The following COL4A6 variants were observed in gnomAD, a reference collection of about 807,000 sequenced individuals.
The protein encoded by COL4A6 is collagen type IV alpha 6 chain.
A neutral mutation model predicts 126.7 loss-of-function variants in COL4A6; 59 were observed. That is an observed-to-expected ratio of 0.47 (90% CI 0.38 to 0.58). The LOEUF (loss-of-function observed/expected upper bound fraction) is 0.58, where lower values mean the gene tolerates loss of function less well. Ranked by LOEUF, COL4A6 falls within the 20% of genes least tolerant of loss-of-function variation. COL4A6 has a pLI of 0.00. For missense variants in COL4A6, 1,285 were observed against 1,337.3 expected, an observed-to-expected ratio of 0.96 and a Z score of 0.61; for synonymous variants, 547 against 496.6, an observed-to-expected ratio of 1.10 and a Z score of -1.35.
In COL4A6 at chrX:108,174,627, A is replaced by C; in HGVS notation, c.2957-6T>G. 8.8e-7 allele frequency: 1 copy of C among 1,139,976 alleles called. No homozygotes were observed. The highest frequency in any genetic ancestry group is 1.2e-6 in the Non-Finnish European group (1 of 863,002). The allele number at this position is 1,139,976 out of a possible 1,213,427, so 93.9% of individuals were successfully genotyped here. A position where few individuals can be genotyped will look rare whatever the true frequency, so the allele number is the denominator to read the frequency against. On this transcript the variant is annotated splice_region_variant and splice_polypyrimidine_tract_variant and intron_variant, in intron 30 of 44. Transcript: ENST00000334504. The stretch of plus-strand genomic sequence containing the variant: ...ACCAGCCTCTCCTTTGTCACCTGTA[A>C]AAGAAATAAAAAGACTTGGAAAAAG...
At position 108,385,442 on chromosome X, in the gene COL4A6, T is replaced by C. The variant is rs2040664846; in HGVS notation, c.63+52500A>G. On this transcript the variant is annotated intron_variant, in intron 2 of 44. Coordinates refer to ENST00000334504, the MANE Select transcript of COL4A6 (RefSeq NM_033641.4). ...CCCTCAAACTGATTTATAGATTCAATAAAATCCCTATTAGAATCCCAGATG... is the reference window on the plus strand; with the variant it reads ...CCCTCAAACTGATTTATAGATTCAACAAAATCCCTATTAGAATCCCAGATG... Among the ~76,000 whole-genome samples the C allele has an allele frequency of 2.7e-5, 3 of 111,727 alleles. No homozygotes were observed. In the South Asian group the frequency reaches 1.1e-3, roughly 42 times the overall value.
At position 108,164,637 on chromosome X, in the gene COL4A6, T is replaced by C. The variant is rs1370737643; in HGVS notation, c.4032A>G (p.Pro1344=). ...CCTTCCCCTTCATTCCGGGAAATCC[T>C]GGGTCTCCAGGTGGCCCAACCTTGC... ...TPGKVGPPGD[P]GFPGMKGKAG... The change falls in exon 40 of 45, where the codon CCA becomes CCG. Residue 1344 remains proline (P), a synonymous_variant. Transcript: ENST00000334504. 1 of 1,211,872 alleles carries C rather than the reference T, an allele frequency of 8.3e-7. No individual in the cohort carries two copies. Among genetic ancestry groups the C allele is most frequent in the Admixed American group, 2.2e-5 (1 of 46,090 alleles).
chrX:108,260,687 A>C (rs780429638), intron 3 of COL4A6, among the ~76,000 whole-genome samples: 1 of 110,824 alleles, frequency 9.0e-6, no homozygotes, highest in Non-Finnish European at 1.9e-5. Context: ...TATCAGCAGC[A>C]TGAAAATGGA....
chrX:108,218,471 C>T (rs907278666), intron 5 of COL4A6, among the ~76,000 whole-genome samples: 12 of 112,264 alleles, frequency 1.1e-4, no homozygotes, highest in African/African-American at 2.6e-4. Context: ...GTCTGATGGC[C>T]GATTTGTTGA....
chrX:108,267,583 T>G (rs2037343109), intron 3 of COL4A6: 1 of 112,570 alleles, frequency 8.9e-6, no homozygotes, highest in Non-Finnish European at 1.9e-5. Context: ...GATAATTTGT[T>G]AAAGTGAGGA....
chrX:108,158,587 C>T (rs2033814369), intron 44 of COL4A6, among the ~76,000 whole-genome samples: 1 of 112,032 alleles, frequency 8.9e-6, no homozygotes, highest in Non-Finnish European at 1.9e-5. Context: ...TGAGGTGATT[C>T]TGTATTACAC....
chrX:108,277,507 C>G (rs1602986541), intron 3 of COL4A6, among the ~76,000 whole-genome samples: 1 of 112,564 alleles, frequency 8.9e-6, no homozygotes, highest in Non-Finnish European at 1.9e-5. Context: ...TGGGTGGAGC[C>G]CACCACAGCT....
chrX:108,430,872 C>T (rs1307392555), intron 2 of COL4A6, among the ~76,000 whole-genome samples: 1 of 111,581 alleles, frequency 9.0e-6, no homozygotes, highest in East Asian at 2.8e-4. Flanking sequence ...TGGCTGAGTG[C>T]CTATACTAAA....
chrX:108,231,098 T>C (rs2036293273), intron 3 of COL4A6, among the ~76,000 whole-genome samples: 1 of 110,062 alleles, frequency 9.1e-6, no homozygotes. Context: ...CATACATACA[T>C]ACATACATAC....
At chrX:108,283,194 C>A (rs2037899542) in intron 3 of COL4A6, among the ~76,000 whole-genome samples, 1 of 111,168 alleles carries the variant, frequency 9.0e-6, no homozygotes. Flanking sequence ...GGTATAGAGG[C>A]AAGAAGGGCA....
chrX:108,292,565 T>C (rs1008273543), intron 3 of COL4A6, among the ~76,000 whole-genome samples: 2 of 112,044 alleles, frequency 1.8e-5, no homozygotes, highest in Admixed American at 9.5e-5. Context: ...ACTTTAAAGG[T>C]AGAGTGATAG....
intron 2 of COL4A6, among the ~76,000 whole-genome samples, chrX:108,341,472 T>C (rs1334895441): frequency 9.0e-6 from 1 of 111,032 alleles, no homozygotes; most frequent in African/African-American, 3.3e-5. Context: ...TCAGCAGACA[T>C]GATGGTTTTA....
intron 23 of COL4A6, among the ~76,000 whole-genome samples, chrX:108,182,062 A>G (rs976615279): frequency 3.6e-5 from 4 of 112,455 alleles, no homozygotes; most frequent in Admixed American, 2.8e-4. Flanking sequence ...AAGGTTGGGA[A>G]TTGAACAGTA....
At chrX:108,173,076 G>C (rs2034364321) in intron 31 of COL4A6, among the ~76,000 whole-genome samples, 1 of 112,650 alleles carries the variant, frequency 8.9e-6, no homozygotes, top group Admixed American at 9.3e-5. Context: ...GCCTTCACTG[G>C]CTAATGTCCA....
intron 3 of COL4A6, among the ~76,000 whole-genome samples, chrX:108,306,717 A>T (rs371063638): frequency 5.4e-5 from 6 of 111,542 alleles, no homozygotes; most frequent in Middle Eastern, 4.6e-3. Context: ...GTTTCTCATG[A>T]AACTCAGGCT....
intron 2 of COL4A6, among the ~76,000 whole-genome samples, chrX:108,361,355 G>T (rs1045017585): frequency 9.0e-6 from 1 of 111,482 alleles, no homozygotes; most frequent in Non-Finnish European, 1.9e-5. Flanking sequence ...GATAGGGAGG[G>T]AAGCTATGAA....
chrX:108,433,893 G>A (rs925334098), intron 2 of COL4A6, among the ~76,000 whole-genome samples: 153 of 112,073 alleles, frequency 1.4e-3, no homozygotes, highest in Non-Finnish European at 1.7e-3. Flanking sequence ...AGGAGGCTGA[G>A]GCAGGTGGAT....
intron 25 of COL4A6, 34 bp from the exon 26 acceptor site, chrX:108,179,472 G>A: frequency 9.1e-7 from 1 of 1,103,858 alleles, no homozygotes; most frequent in Non-Finnish European, 1.2e-6. Flanking sequence ...AAAGACCATG[G>A]CTGTTTAGAA....
At chrX:108,186,956 T>A (rs2034883015) in intron 23 of COL4A6, 140 bp downstream of exon 23, 6 of 489,080 alleles carry the variant, frequency 1.2e-5, no homozygotes, top group African/African-American at 4.8e-5. Context: ...TTTTTTCACA[T>A]GCAAATCCTT....
Sources: allele counts gnomAD v4.1 joint callset (sites outside exome capture counted in the v4.1 genomes callset), GRCh38; gene constraint gnomAD v4.1.1; transcripts MANE v1.5; gene names NCBI Gene and HGNC (gene_info 2026-07-23, HGNC 2026-07-21).